The following CCDC178 variants were observed in gnomAD, a reference collection of about 807,000 sequenced individuals.
The protein encoded by CCDC178 is coiled-coil domain-containing protein 178.
CCDC178 carries 126 observed loss-of-function variants against 117.4 expected under a neutral mutation model. The ratio of observed to expected loss-of-function variants is 1.07; its 90% CI spans 0.93 to 1.24. The LOEUF is 1.24. Among genes scored for constraint, CCDC178 ranks in the 50% most tolerant of loss-of-function variants. The pLI is 0.00. For missense variants in CCDC178, 1,030 were observed against 986.9 expected (o/e 1.04, Z -0.59); for synonymous variants, 283 against 313.4 (o/e 0.90, Z 1.02).
chr18:33,363,651 C>T (rs1316417041), intron 6 of CCDC178, among the ~76,000 whole-genome samples: 1 of 151,980 alleles, frequency 6.6e-6, no homozygotes, highest in East Asian at 1.9e-4. Context: ...CCCTTCTTCA[C>T]TGTGTATACT....
At chr18:32,940,588 A>C (rs1194785218) in intron 22 of CCDC178, among the ~76,000 whole-genome samples, 1 of 151,834 alleles carries the variant, frequency 6.6e-6, no homozygotes, top group South Asian at 2.1e-4. Flanking sequence ...TTTCTCCCTT[A>C]TGGGGGTTTG....
chr18:33,172,687 T>A (rs972346127), intron 20 of CCDC178, among the ~76,000 whole-genome samples: 2 of 152,144 alleles, frequency 1.3e-5, no homozygotes, highest in Non-Finnish European at 2.9e-5. Flanking sequence ...TTCGTTCAAC[T>A]GTATTTTGTT....
chr18:33,371,683 G>A (rs1185372107), intron 5 of CCDC178, among the ~76,000 whole-genome samples: 5 of 151,710 alleles, frequency 3.3e-5, no homozygotes, highest in African/African-American at 1.2e-4. Context: ...GGTATCCTAT[G>A]TCTTTTAGTT....
At chr18:33,109,640 C>T (rs1047369654) in intron 20 of CCDC178, among the ~76,000 whole-genome samples, 2 of 151,648 alleles carry the variant, frequency 1.3e-5, no homozygotes, top group East Asian at 3.9e-4. Flanking sequence ...CATCTCCATT[C>T]CCAGTCAATA....
intron 22 of CCDC178, among the ~76,000 whole-genome samples, chr18:32,964,254 T>C (rs1413243668): frequency 6.6e-6 from 1 of 152,134 alleles, no homozygotes; most frequent in East Asian, 1.9e-4. Flanking sequence ...GCTCATTAAT[T>C]TGGATGTTTT....
At chr18:33,293,751 G>A (rs146243288) in intron 11 of CCDC178, among the ~76,000 whole-genome samples, 21 of 152,156 alleles carry the variant, frequency 1.4e-4, no homozygotes, top group Non-Finnish European at 2.2e-4. Context: ...CCATCCCAAC[G>A]TAACTTGACA....
chr18:33,299,342 A>G (rs1293444124), intron 11 of CCDC178, among the ~76,000 whole-genome samples: 2 of 152,122 alleles, frequency 1.3e-5, no homozygotes, highest in East Asian at 1.9e-4. Context: ...GAAAGAATAC[A>G]CTTTGGGGAA....
intron 10 of CCDC178, among the ~76,000 whole-genome samples, chr18:33,325,268 C>T (rs2062568591): frequency 6.6e-6 from 1 of 151,816 alleles, no homozygotes; most frequent in African/African-American, 2.4e-5. Flanking sequence ...ACATTTTAAG[C>T]ATCATTTGAT....
chr18:33,238,074 A>C (rs961949598), intron 15 of CCDC178, among the ~76,000 whole-genome samples: 1 of 152,230 alleles, frequency 6.6e-6, no homozygotes, highest in Non-Finnish European at 1.5e-5. Context: ...CTACATAGAG[A>C]CTACATTACT....
chr18:33,019,217 G>A (rs900192719), intron 21 of CCDC178, among the ~76,000 whole-genome samples: 2 of 152,160 alleles, frequency 1.3e-5, no homozygotes, highest in African/African-American at 2.4e-5. Context: ...AACAGAAGCT[G>A]AAAATCCAAT....
At chr18:33,007,859 G>A (rs536633395) in intron 21 of CCDC178, among the ~76,000 whole-genome samples, 7 of 152,178 alleles carry the variant, frequency 4.6e-5, no homozygotes, top group African/African-American at 1.7e-4. Flanking sequence ...CCTTCCTAAT[G>A]TATGAAAATG....
intron 11 of CCDC178, among the ~76,000 whole-genome samples, chr18:33,313,199 G>GAT (rs2062366301): frequency 6.6e-6 from 1 of 152,194 alleles, no homozygotes; most frequent in Non-Finnish European, 1.5e-5. Context: ...CTATTTGGAA[G>GAT]AAAGGGGCAT....
chr18:33,077,200 A>C (rs1029446709), intron 21 of CCDC178, among the ~76,000 whole-genome samples: 4 of 152,198 alleles, frequency 2.6e-5, no homozygotes, highest in African/African-American at 9.7e-5. Context: ...GGGCATAGTA[A>C]AGAAAAATAA....
At chr18:32,948,796 A>C (rs2054411197) in intron 22 of CCDC178, among the ~76,000 whole-genome samples, 1 of 152,142 alleles carries the variant, frequency 6.6e-6, no homozygotes, top group Admixed American at 6.5e-5. Context: ...TGTTTTAAAA[A>C]TAAGAAAATA....
intron 18 of CCDC178, among the ~76,000 whole-genome samples, chr18:33,219,597 T>G (rs893611371): frequency 6.6e-6 from 1 of 151,940 alleles, no homozygotes; most frequent in African/African-American, 2.4e-5. Flanking sequence ...TATGCAGCCA[T>G]AAAAAGGATG....
chr18:33,235,927 G>A (rs2059421661), intron 15 of CCDC178, among the ~76,000 whole-genome samples: 1 of 151,988 alleles, frequency 6.6e-6, no homozygotes, highest in African/African-American at 2.4e-5. Flanking sequence ...TTCTGAATAG[G>A]TCAGTTATTG....
At chr18:33,054,335 G>A (rs963232382) in intron 21 of CCDC178, among the ~76,000 whole-genome samples, 9 of 152,130 alleles carry the variant, frequency 5.9e-5, no homozygotes, top group African/African-American at 2.2e-4. Context: ...AGGTAAATGT[G>A]TGCCATGGTG....
intron 11 of CCDC178, among the ~76,000 whole-genome samples, chr18:33,296,795 G>A (rs886094713): frequency 2.6e-5 from 4 of 152,126 alleles, no homozygotes; most frequent in African/African-American, 9.7e-5. Context: ...TGAAAGGCAA[G>A]GCAGGTGGAT....
At chr18:32,951,036 T>C (rs1435218049) in intron 22 of CCDC178, among the ~76,000 whole-genome samples, 1 of 152,214 alleles carries the variant, frequency 6.6e-6, no homozygotes, top group African/African-American at 2.4e-5. Flanking sequence ...TACAGATGTA[T>C]TTGTTTTGTC....
Sources: allele counts gnomAD v4.1 joint callset (sites outside exome capture counted in the v4.1 genomes callset), GRCh38; gene constraint gnomAD v4.1.1; transcripts MANE v1.5; gene names NCBI Gene and HGNC (gene_info 2026-07-23, HGNC 2026-07-21).